Variants in UNC5B observed in about 807,000 individuals in gnomAD.
UNC5B encodes unc-5 netrin receptor B, also known as netrin receptor UNC5B.
In UNC5B, 56 loss-of-function variants were observed where a neutral mutation model predicts 103.7. The observed-to-expected ratio is 0.54, with a 90% confidence interval of 0.44 to 0.67. The LOEUF is 0.67. Among genes scored for constraint, UNC5B ranks in the 30% least tolerant of loss-of-function variants. UNC5B has a pLI of 0.00. For missense variants in UNC5B, 1,194 were observed against 1,284.5 expected (o/e 0.93, Z 1.08); for synonymous variants, 577 against 542.0 (o/e 1.06, Z -0.90).
chr10:71,253,933 G>A (rs530143943), intron 1 of UNC5B, among the ~76,000 whole-genome samples: 4 of 152,232 alleles, frequency 2.6e-5, no homozygotes, highest in African/African-American at 7.2e-5. Context: ...GGTTCCAGGC[G>A]TGTCCTTCCT....
intron 1 of UNC5B, among the ~76,000 whole-genome samples, chr10:71,215,183 C>T (rs899572620): frequency 6.6e-6 from 1 of 152,356 alleles, no homozygotes; most frequent in Middle Eastern, 3.4e-3. Flanking sequence ...GGATCCTTCA[C>T]AAGCTCCATT....
chr10:71,247,617 T>G (rs772376153), intron 1 of UNC5B, among the ~76,000 whole-genome samples: 1 of 152,126 alleles, frequency 6.6e-6, no homozygotes, highest in Non-Finnish European at 1.5e-5. Context: ...TTGGACTGTT[T>G]CAGGAGTCTG....
intron 1 of UNC5B, among the ~76,000 whole-genome samples, chr10:71,249,775 C>A (rs1401186164): frequency 1.3e-5 from 2 of 152,156 alleles, no homozygotes; most frequent in Non-Finnish European, 2.9e-5. Flanking sequence ...ACCAAGGCTG[C>A]AGGAGGTTAG....
intron 1 of UNC5B, among the ~76,000 whole-genome samples, chr10:71,271,632 G>T (rs1220578911): frequency 6.6e-6 from 1 of 152,166 alleles, no homozygotes; most frequent in Non-Finnish European, 1.5e-5. Flanking sequence ...AAGCAGCGTG[G>T]CCCCCATAGC....
intron 1 of UNC5B, among the ~76,000 whole-genome samples, chr10:71,234,176 C>G (rs1210299997): frequency 1.3e-5 from 2 of 152,178 alleles, no homozygotes; most frequent in East Asian, 3.9e-4. Flanking sequence ...GAGATAAGGA[C>G]ACTTGCCCAG....
Position 71,264,217 on chromosome 10 carries a change from C to G in UNC5B, c.80-15604C>G, listed in dbSNP as rs149955748. On this transcript the variant is annotated intron_variant, in intron 1 of 16. Coordinates refer to ENST00000335350, the MANE Select transcript of UNC5B (RefSeq NM_170744.5). ...TAGAGATGGCTATTGATACCAACCT[C>G]ATAAGATTGCTGCAACAATTAAATG... Among the ~76,000 whole-genome samples the G allele has an allele frequency of 5.6e-3, 858 of 152,242 alleles. 37 individuals carry two copies. The highest frequency in any genetic ancestry group is 1.0e-3 in the Non-Finnish European group (69 of 68,022).
At chr10:71,256,688 A>C (rs1378170089) in intron 1 of UNC5B, among the ~76,000 whole-genome samples, 1 of 152,228 alleles carries the variant, frequency 6.6e-6, no homozygotes. Context: ...GAGGTGGGCC[A>C]GGAGCCCAAG....
rs553873853 is a variant in UNC5B, at chr10:71,301,287, G to T, written c.*2010G>T. 2 of 152,360 alleles carry T rather than the reference G, an allele frequency of 1.3e-5. No homozygotes were observed. The highest frequency in any genetic ancestry group is 2.1e-4 in the South Asian group (1 of 4,830). The allele number at this position is 152,360 out of a possible 1,614,324, so 9.4% of individuals were successfully genotyped here. On this transcript the variant is annotated 3_prime_UTR_variant, in exon 17 of 17. Transcript: ENST00000335350. ...TTCCCTGCCATGGACTCAGTAGCTC[G>T]TGGGGCTTCTTACCACCCACCAGCC...
chr10:71,226,307 T>C (rs1843562942), intron 1 of UNC5B, among the ~76,000 whole-genome samples: 1 of 152,202 alleles, frequency 6.6e-6, no homozygotes, highest in Non-Finnish European at 1.5e-5. Flanking sequence ...ACTCCTGACC[T>C]CAAGTGATCC....
At chr10:71,257,648 A>C (rs944669484) in intron 1 of UNC5B, among the ~76,000 whole-genome samples, 1 of 152,218 alleles carries the variant, frequency 6.6e-6, no homozygotes, top group African/African-American at 2.4e-5. Context: ...AGAGATGTAC[A>C]TGCCAGGTGC....
chr10:71,254,665 T>A (rs1053952456), intron 1 of UNC5B, among the ~76,000 whole-genome samples: 3 of 152,170 alleles, frequency 2.0e-5, no homozygotes, highest in South Asian at 4.1e-4. Flanking sequence ...TGGAGAACAA[T>A]GGGACATCCC....
chr10:71,299,032 C>T lies in UNC5B; in HGVS notation c.2673-80C>T, dbSNP rs989029642. The T allele has an allele frequency of 1.0e-5, 16 of 1,559,486 alleles. No homozygotes were observed. The East Asian group carries it at 1.6e-4, about 15-fold the overall frequency. ...ACCAAAGCTCACAGCCTTCCCACTT[C>T]CCCTTGTGCCCCTTCACCTCCAGGC... On this transcript the variant is annotated intron_variant, in intron 16 of 16. Coordinates refer to ENST00000335350, the MANE Select transcript of UNC5B (RefSeq NM_170744.5).
At position 71,224,364 on chromosome 10, in the gene UNC5B, GACACACACACACACACACACACACACAC is replaced by G. The variant is rs58378731; in HGVS notation, c.79+11325_79+11352del. Among the ~76,000 whole-genome samples, 4 of 97,346 alleles carry G rather than the reference GACACACACACACACACACACACACACAC, an allele frequency of 4.1e-5. No homozygotes were observed. The South Asian group carries it at 1.5e-3, about 37-fold the overall frequency. 63.9% of individuals were successfully genotyped at this position (97,346 alleles called of 152,430 possible). On this transcript the variant is annotated intron_variant, in intron 1 of 16. Transcript: ENST00000335350. ...CTGGTCCATCCCACTTCTGTATGTA[GACACACACACACACACACACACACACAC>G]ACACACACACACACACACACACACG...
At chr10:71,215,832 TGTGTGTGTG>T in intron 1 of UNC5B, among the ~76,000 whole-genome samples, 1 of 150,068 alleles carries the variant, frequency 6.7e-6, no homozygotes, top group Admixed American at 6.6e-5. Context: ...TGTGTGTGTG[TGTGTGTGTG>T]TGCTCGCGTG....
At position 71,227,171 on chromosome 10, in the gene UNC5B, G is replaced by C. The variant is rs572034460; in HGVS notation, c.79+14107G>C. Among the ~76,000 whole-genome samples the C allele has an allele frequency of 7.9e-5, 12 of 152,182 alleles. No homozygotes were observed. In the South Asian group the frequency reaches 2.3e-3, roughly 29 times the overall value. On this transcript the variant is annotated intron_variant, in intron 1 of 16. Coordinates refer to ENST00000335350, the MANE Select transcript of UNC5B (RefSeq NM_170744.5). ...AGCTAATTTTTGTATTTTTAGTAGA[G>C]ACGGGGTTTCACCATGTTGGCCAGG... is the stretch of plus-strand genomic sequence containing the variant.
intron 1 of UNC5B, among the ~76,000 whole-genome samples, chr10:71,279,033 C>T (rs921331674): frequency 2.0e-5 from 3 of 152,210 alleles, no homozygotes; most frequent in Non-Finnish European, 4.4e-5. Flanking sequence ...CCAGGATTTC[C>T]ATCTGGCCCC....
intron 1 of UNC5B, chr10:71,217,460 T>G (rs1455959083): frequency 6.6e-6 from 1 of 152,100 alleles, no homozygotes; most frequent in Non-Finnish European, 1.5e-5. Context: ...AGGATCTTTT[T>G]GGGGGAAGCT....
chr10:71,214,850 AG>A (rs1429522546), intron 1 of UNC5B, among the ~76,000 whole-genome samples: 1 of 152,168 alleles, frequency 6.6e-6, no homozygotes, highest in African/African-American at 2.4e-5. Context: ...CCCCAGGCCC[AG>A]GGCTTTGATG....
chr10:71,230,649 T>G (rs566831024), intron 1 of UNC5B, among the ~76,000 whole-genome samples: 2 of 152,334 alleles, frequency 1.3e-5, no homozygotes, highest in Admixed American at 1.3e-4. Context: ...TCACCATGGG[T>G]GGACAGCTGG....
Sources: allele counts gnomAD v4.1 joint callset (sites outside exome capture counted in the v4.1 genomes callset), GRCh38; gene constraint gnomAD v4.1.1; transcripts MANE v1.5; gene names NCBI Gene and HGNC (gene_info 2026-07-23, HGNC 2026-07-21).